The following RBL1 variants were observed in gnomAD, a reference collection of about 807,000 sequenced individuals.
The protein encoded by RBL1 is retinoblastoma-like protein 1.
Under a neutral mutation model 123.0 loss-of-function variants are expected in RBL1, and 82 were observed. The ratio of observed to expected loss-of-function variants is 0.67; its 90% CI spans 0.56 to 0.80. The LOEUF is 0.80. Among genes scored for constraint, RBL1 ranks in the 30% least tolerant of loss-of-function variants. The pLI, the probability that RBL1 is intolerant of heterozygous loss-of-function variation, is 0.00. For missense variants in RBL1, 1,171 were observed against 1,299.6 expected (o/e 0.90, Z 1.52); for synonymous variants, 405 against 441.3 (o/e 0.92, Z 1.03).
chr20:37,087,970 A>T (rs768356604), intron 2 of RBL1, among the ~76,000 whole-genome samples: 39 of 152,310 alleles, frequency 2.6e-4, no homozygotes, highest in Non-Finnish European at 4.9e-4. Context: ...TGAGGATAAA[A>T]AGAGAAAGAT....
At chr20:37,078,832 G>A (rs1227860638) in intron 2 of RBL1, among the ~76,000 whole-genome samples, 1 of 151,142 alleles carries the variant, frequency 6.6e-6, no homozygotes, top group Non-Finnish European at 1.5e-5. Flanking sequence ...TCCTATGTAA[G>A]GCTTAATGTA....
At chr20:37,055,309 G>GAAAAAAAAAAAAA (rs59560599) in intron 11 of RBL1, among the ~76,000 whole-genome samples, 1 of 84,034 alleles carries the variant, frequency 1.2e-5, no homozygotes, top group African/African-American at 4.1e-5. Context: ...ATGAAGGACA[G>GAAAAAAAAAAAAA]AAAAAAAAAA....
chr20:37,069,777 C>G lies in RBL1; in HGVS notation c.291-1591G>C, dbSNP rs905052221. Reference sequence around the variant, plus strand: ...GGGTCAGCCCCCCGCCAGGCCAGCACCCCCATCCGGGAGGGAGGTGGGGGG... The same window carrying G: ...GGGTCAGCCCCCCGCCAGGCCAGCAGCCCCATCCGGGAGGGAGGTGGGGGG... On this transcript the variant is annotated intron_variant, in intron 2 of 21. Transcript: ENST00000373664. Among the ~76,000 whole-genome samples, 7 of 150,818 alleles carry G rather than the reference C, an allele frequency of 4.6e-5. 1 individual carries two copies. Among genetic ancestry groups the G allele is most frequent in the African/African-American group, 9.8e-5 (4 of 40,614 alleles).
chr20:37,049,323 G>C (rs1185885278), intron 11 of RBL1: 1 of 658,824 alleles, frequency 1.5e-6, no homozygotes, highest in East Asian at 2.5e-5. Flanking sequence ...GGATACGACA[G>C]AAAATGTAAA....
chr20:37,065,020 C>T (rs887301106), intron 7 of RBL1, among the ~76,000 whole-genome samples: 1 of 151,880 alleles, frequency 6.6e-6, no homozygotes, highest in Non-Finnish European at 1.5e-5. Context: ...CAACCACAAC[C>T]TCCCAGATTC....
intron 1 of RBL1, among the ~76,000 whole-genome samples, chr20:37,091,387 G>C (rs1017885897): frequency 6.6e-6 from 1 of 150,874 alleles, no homozygotes; most frequent in African/African-American, 2.4e-5. Flanking sequence ...TACAGATAAA[G>C]GCCAGGCACA....
intron 11 of RBL1, 106 bp downstream of exon 11, chr20:37,055,447 T>C (rs565215936): frequency 1.3e-6 from 2 of 1,551,654 alleles, no homozygotes; most frequent in South Asian, 2.3e-5. Context: ...TGGCCAAGTG[T>C]GTCATAGATT....
intron 15 of RBL1, among the ~76,000 whole-genome samples, chr20:37,034,900 C>T (rs566487933): frequency 1.4e-4 from 22 of 151,990 alleles, no homozygotes; most frequent in Middle Eastern, 3.4e-3. Flanking sequence ...AACTATTCAC[C>T]AAGAGTGAAC....
chr20:37,095,955 C>A lies in RBL1; in HGVS notation c.-27G>T. ...CCTTCAGGCCCCGCGGGCTGCGCGC[C>A]ACGGCCCCCGACTTCTTTCTCCCTC... On this transcript the variant is annotated 5_prime_UTR_variant, in exon 1 of 22. Transcript: ENST00000373664. 6.7e-7 allele frequency: 1 copy of A among 1,485,352 alleles called. No individual in the cohort carries two copies. Among genetic ancestry groups the A allele is most frequent in the Non-Finnish European group, 9.0e-7 (1 of 1,110,150 alleles). 92.0% of individuals were successfully genotyped at this position (1,485,352 alleles called of 1,614,324 possible).
chr20:37,091,467 AG>A (rs1222823799), intron 1 of RBL1, among the ~76,000 whole-genome samples: 5 of 152,018 alleles, frequency 3.3e-5, no homozygotes, highest in Non-Finnish European at 7.4e-5. Flanking sequence ...CAGGAGTTCA[AG>A]ATCAGCCTAG....
chr20:37,042,473 C>T (rs534458748), intron 13 of RBL1, among the ~76,000 whole-genome samples: 1 of 152,284 alleles, frequency 6.6e-6, no homozygotes, highest in African/African-American at 2.4e-5. Flanking sequence ...TTTTAGAAAG[C>T]AGTCTGACAG....
chr20:37,000,688 T>C (rs1260429188), intron 21 of RBL1, among the ~76,000 whole-genome samples: 106 of 101,312 alleles, frequency 1.0e-3, no homozygotes, highest in African/African-American at 2.2e-3. Flanking sequence ...GGAGCCCCTC[T>C]GCCCGGCCAG....
Position 36,999,027 on chromosome 20 carries a change from T to C in RBL1, c.3037-98A>G, listed in dbSNP as rs182791079. 754 of 1,182,558 alleles carry C rather than the reference T, an allele frequency of 6.4e-4. 7 individuals are homozygous for C. In the African/African-American group the frequency reaches 0.011, roughly 17 times the overall value. The allele number at this position is 1,182,558 out of a possible 1,614,324, so 73.3% of individuals were successfully genotyped here. A position where few individuals can be genotyped will look rare whatever the true frequency, so the allele number is the denominator to read the frequency against. ...GTTTTTTCCTGTGCTCTATCCTCTATCCAAATCTTAACACTGGGATAAGGA... is the reference window on the plus strand; with the variant it reads ...GTTTTTTCCTGTGCTCTATCCTCTACCCAAATCTTAACACTGGGATAAGGA... On this transcript the variant is annotated intron_variant, in intron 21 of 21. Coordinates refer to ENST00000373664, the MANE Select transcript of RBL1 (RefSeq NM_002895.5).
At chr20:37,060,494 G>C (rs2065076861) in intron 9 of RBL1, among the ~76,000 whole-genome samples, 1 of 151,650 alleles carries the variant, frequency 6.6e-6, no homozygotes, top group African/African-American at 2.4e-5. Flanking sequence ...TTTTTTAAGA[G>C]ACAAAGTTGG....
At chr20:37,084,777 T>C (rs942235167) in intron 2 of RBL1, among the ~76,000 whole-genome samples, 1 of 152,214 alleles carries the variant, frequency 6.6e-6, no homozygotes, top group African/African-American at 2.4e-5. Flanking sequence ...GAAGACCTTT[T>C]TTTTTGAGAC....
chr20:37,090,927 T>C (rs1437306176), intron 1 of RBL1, among the ~76,000 whole-genome samples: 1 of 152,204 alleles, frequency 6.6e-6, no homozygotes, highest in African/African-American at 2.4e-5. Context: ...TATTAGTAGA[T>C]ATCTCAATTT....
intron 14 of RBL1, among the ~76,000 whole-genome samples, chr20:37,039,651 T>C (rs2146259628): frequency 6.6e-6 from 1 of 152,316 alleles, no homozygotes; most frequent in East Asian, 1.9e-4. Context: ...TCAAACCTCT[T>C]TCCTTTATAA....
intron 19 of RBL1, among the ~76,000 whole-genome samples, chr20:37,012,553 G>A (rs1420842571): frequency 9.6e-5 from 14 of 145,660 alleles, no homozygotes; most frequent in Non-Finnish European, 1.8e-4. Context: ...CTACCCGGCC[G>A]CGACCCCGTC....
At chr20:37,041,484 G>A (rs2064725758) in intron 13 of RBL1, among the ~76,000 whole-genome samples, 1 of 152,042 alleles carries the variant, frequency 6.6e-6, no homozygotes, top group Non-Finnish European at 1.5e-5. Context: ...ACCATGCCCA[G>A]CTAATTTTTT....
Sources: allele counts gnomAD v4.1 joint callset (sites outside exome capture counted in the v4.1 genomes callset), GRCh38; gene constraint gnomAD v4.1.1; transcripts MANE v1.5; gene names NCBI Gene and HGNC (gene_info 2026-07-23, HGNC 2026-07-21).